Variants in ASTN2 observed in about 807,000 individuals in gnomAD.
ASTN2 encodes the protein astrotactin-2.
Under a neutral mutation model 139.8 loss-of-function variants are expected in ASTN2, and 54 were observed. The observed-to-expected ratio is 0.39, with a 90% CI of 0.31 to 0.48. The LOEUF (loss-of-function observed/expected upper bound fraction) is 0.48. ASTN2 is among the 20% of genes least tolerant of loss of function. The probability of loss-of-function intolerance (pLI) is 0.95; values close to 1 mark genes in which losing one functional copy is unlikely to be tolerated. For synonymous variants in ASTN2, 756 were observed against 719.5 expected, an observed-to-expected ratio of 1.05 and a Z score of -0.81; for missense variants, 1,565 against 1,725.1, an observed-to-expected ratio of 0.91 and a Z score of 1.64.
chr9:116,578,541 C>CA (rs60961993), intron 19 of ASTN2, among the ~76,000 whole-genome samples: 24,214 of 144,126 alleles, frequency 0.17, 2,171 homozygotes, highest in African/African-American at 0.23. Flanking sequence ...TCCAGAAATG[C>CA]AAAAAAAAAA....
intron 1 of ASTN2, among the ~76,000 whole-genome samples, chr9:117,372,696 T>C (rs1346728373): frequency 6.6e-6 from 1 of 152,172 alleles, no homozygotes; most frequent in East Asian, 1.9e-4. Flanking sequence ...ATTAATTTTA[T>C]CTATTATTAA....
intron 20 of ASTN2, among the ~76,000 whole-genome samples, chr9:116,449,937 T>C (rs2118915189): frequency 6.6e-6 from 1 of 152,310 alleles, no homozygotes; most frequent in Admixed American, 6.5e-5. Context: ...TTTGAATTCT[T>C]GCAGTTGAGG....
intron 3 of ASTN2, among the ~76,000 whole-genome samples, chr9:117,203,091 C>A (rs1831783004): frequency 6.6e-6 from 1 of 151,786 alleles, no homozygotes; most frequent in African/African-American, 2.4e-5. Context: ...AGGTTGTCAT[C>A]AAACTCTGAT....
intron 1 of ASTN2, among the ~76,000 whole-genome samples, chr9:117,399,368 T>C (rs1431700329): frequency 6.6e-6 from 1 of 152,144 alleles, no homozygotes; most frequent in Non-Finnish European, 1.5e-5. Flanking sequence ...GAAAAGATAT[T>C]TTTAAAATAT....
intron 1 of ASTN2, among the ~76,000 whole-genome samples, chr9:117,303,131 C>T (rs539064784): frequency 1.2e-4 from 19 of 152,244 alleles, no homozygotes; most frequent in Non-Finnish European, 2.5e-4. Context: ...CCTGACTTCA[C>T]GAACTTCACC....
chr9:116,853,964 G>A (rs1832676074), intron 11 of ASTN2, among the ~76,000 whole-genome samples: 1 of 152,144 alleles, frequency 6.6e-6, no homozygotes, highest in African/African-American at 2.4e-5. Context: ...CAAATGCTGG[G>A]ATGTTCCCCT....
At chr9:116,462,292 C>A (rs1339763260) in intron 20 of ASTN2, among the ~76,000 whole-genome samples, 1 of 152,180 alleles carries the variant, frequency 6.6e-6, no homozygotes, top group Non-Finnish European at 1.5e-5. Flanking sequence ...TCCTTTTACA[C>A]AGGAAGAAAT....
At chr9:116,683,385 T>C (rs1341848297) in intron 16 of ASTN2, among the ~76,000 whole-genome samples, 1 of 152,230 alleles carries the variant, frequency 6.6e-6, no homozygotes, top group Non-Finnish European at 1.5e-5. Context: ...AATTGTTATA[T>C]AAAAGTGTTG....
At chr9:116,586,928 G>A (rs1854182517) in intron 19 of ASTN2, among the ~76,000 whole-genome samples, 1 of 151,894 alleles carries the variant, frequency 6.6e-6, no homozygotes, top group South Asian at 2.1e-4. Flanking sequence ...GTGACTTTGA[G>A]TTTAGAGAGG....
chr9:116,569,765 G>A (rs1853417185), intron 19 of ASTN2, among the ~76,000 whole-genome samples: 1 of 152,204 alleles, frequency 6.6e-6, no homozygotes. Context: ...CAAGGACAGA[G>A]GGCCTCAGCA....
At chr9:117,077,237 G>A (rs1485424681) in intron 5 of ASTN2, among the ~76,000 whole-genome samples, 2 of 152,166 alleles carry the variant, frequency 1.3e-5, no homozygotes, top group Non-Finnish European at 2.9e-5. Context: ...TTAGCACAGA[G>A]AGGAGTTTTG....
intron 16 of ASTN2, among the ~76,000 whole-genome samples, chr9:116,669,628 T>C (rs1448927524): frequency 5.3e-5 from 8 of 152,160 alleles, no homozygotes; most frequent in Admixed American, 1.3e-4. Flanking sequence ...TATTTTCTTA[T>C]TGTTGAGTTT....
chr9:116,880,757 G>A (rs1012844758), intron 10 of ASTN2, among the ~76,000 whole-genome samples: 1 of 152,088 alleles, frequency 6.6e-6, no homozygotes, highest in African/African-American at 2.4e-5. Flanking sequence ...GCTGCCATAG[G>A]TGCCATGATG....
intron 13 of ASTN2, among the ~76,000 whole-genome samples, chr9:116,745,546 C>T (rs138506320): frequency 5.3e-4 from 80 of 152,262 alleles, no homozygotes; most frequent in African/African-American, 1.6e-3. Flanking sequence ...GTTCTCTGCA[C>T]GTGTTTCCCA....
At chr9:116,739,465 CCTCT>C (rs1264466261) in intron 13 of ASTN2, among the ~76,000 whole-genome samples, 1 of 135,464 alleles carries the variant, frequency 7.4e-6, no homozygotes, top group African/African-American at 2.6e-5. Context: ...TAGAATTTGC[CCTCT>C]CTCTGGAATT....
chr9:116,901,606 A>G (rs1564331378), intron 10 of ASTN2, among the ~76,000 whole-genome samples: 1 of 152,262 alleles, frequency 6.6e-6, no homozygotes, highest in Non-Finnish European at 1.5e-5. Flanking sequence ...ATATAAGAGT[A>G]TAGCACATAC....
In ASTN2 at chr9:116,952,334, C is replaced by T. The variant is rs189170619; in HGVS notation, c.1889+22874G>A. Among the ~76,000 whole-genome samples the T allele has an allele frequency of 3.5e-4, 53 of 152,238 alleles. No homozygotes were observed. The East Asian group carries it at 9.7e-3, about 28-fold the overall frequency. On this transcript the variant is annotated intron_variant, in intron 10 of 22. Coordinates refer to ENST00000313400, the MANE Select transcript of ASTN2 (RefSeq NM_001365068.1). Reference sequence around the variant, plus strand: ...ACAGAATCCTTCTCGGCCTTATGCTCCAGAGAGTATAAGGCTGGCCTCAAA... The same window carrying T: ...ACAGAATCCTTCTCGGCCTTATGCTTCAGAGAGTATAAGGCTGGCCTCAAA...
chr9:116,646,196 T>A (rs1175228722), intron 17 of ASTN2, among the ~76,000 whole-genome samples: 1 of 152,194 alleles, frequency 6.6e-6, no homozygotes, highest in African/African-American at 2.4e-5. Flanking sequence ...AAATAAAGTG[T>A]CTTGTAGGAA....
At chr9:117,175,195 T>G (rs893393390) in intron 3 of ASTN2, among the ~76,000 whole-genome samples, 2 of 152,068 alleles carry the variant, frequency 1.3e-5, no homozygotes, top group African/African-American at 4.8e-5. Flanking sequence ...AAAGATACAA[T>G]TTGCAACAGT....
Sources: gnomAD v4.1 joint callset for allele counts (sites outside exome capture counted in the v4.1 genomes callset) on GRCh38, gnomAD v4.1.1 for gene constraint, MANE v1.5 for transcripts, NCBI Gene and HGNC (gene_info 2026-07-23, HGNC 2026-07-21) for gene names.